The following NEK7 variants were observed in gnomAD, a reference collection of about 807,000 sequenced individuals.
NEK7 encodes NIMA related kinase 7.
In NEK7, 18 loss-of-function variants were observed where a neutral mutation model predicts 44.6. The ratio of observed to expected loss-of-function variants is 0.40; its 90% confidence interval spans 0.28 to 0.60. The LOEUF is 0.60. NEK7 is among the 20% of genes least tolerant of loss of function. The probability of loss-of-function intolerance (pLI) is 0.38; values close to 1 mark genes in which losing one functional copy is unlikely to be tolerated. For missense variants in NEK7, 256 were observed against 366.5 expected (o/e 0.70, Z 2.46); for synonymous variants, 130 against 121.1 (o/e 1.07, Z -0.48).
At chr1:198,234,190 CCTTTA>C (rs923887903) in intron 2 of NEK7, among the ~76,000 whole-genome samples, 3 of 151,944 alleles carry the variant, frequency 2.0e-5, no homozygotes, top group Non-Finnish European at 2.9e-5. Context: ...TGAAATGAGT[CCTTTA>C]CTTAATTGCA....
chr1:198,242,697 C>T (rs560786639), intron 2 of NEK7, among the ~76,000 whole-genome samples: 32 of 151,750 alleles, frequency 2.1e-4, no homozygotes, highest in African/African-American at 6.0e-4. Flanking sequence ...CTCCTGACCT[C>T]GTGATCCACC....
chr1:198,176,616 T>C (rs1324301579), intron 1 of NEK7, among the ~76,000 whole-genome samples: 1 of 152,014 alleles, frequency 6.6e-6, no homozygotes, highest in Non-Finnish European at 1.5e-5. Flanking sequence ...AATGGGTATG[T>C]AGAATAAGAA....
chr1:198,238,828 CT>C (rs1666608409), intron 2 of NEK7, among the ~76,000 whole-genome samples: 1 of 152,206 alleles, frequency 6.6e-6, no homozygotes, highest in Non-Finnish European at 1.5e-5. Context: ...TCCTCAATTA[CT>C]GACTCTTGAT....
intron 1 of NEK7, among the ~76,000 whole-genome samples, chr1:198,217,740 G>A (rs1665963359): frequency 6.6e-6 from 1 of 150,896 alleles, no homozygotes; most frequent in Admixed American, 6.6e-5. Flanking sequence ...TAAGTATCAG[G>A]TTACAAAATC....
intron 1 of NEK7, among the ~76,000 whole-genome samples, chr1:198,217,831 C>T (rs1021555105): frequency 8.8e-6 from 1 of 113,708 alleles, no homozygotes; most frequent in Admixed American, 9.8e-5. Flanking sequence ...TCCGTTTTTA[C>T]AATAGCTATA....
intron 5 of NEK7, among the ~76,000 whole-genome samples, chr1:198,270,345 T>G (rs1653796536): frequency 6.6e-6 from 1 of 152,000 alleles, no homozygotes; most frequent in Non-Finnish European, 1.5e-5. Context: ...TTTTAAAAAT[T>G]GTTTTGCTAG....
intron 1 of NEK7, chr1:198,198,182 C>T: frequency 1.3e-6 from 1 of 751,422 alleles, no homozygotes; most frequent in Admixed American, 1.9e-5. Context: ...ATTGGGATTC[C>T]ACATGTTGAG....
At chr1:198,260,329 A>C (rs1428823290) in intron 3 of NEK7, among the ~76,000 whole-genome samples, 3 of 152,128 alleles carry the variant, frequency 2.0e-5, no homozygotes, top group East Asian at 3.9e-4. Flanking sequence ...CTTAATGTAT[A>C]CAACAGCTTA....
At chr1:198,256,346 T>C in intron 3 of NEK7, 3 of 1,608,252 alleles carry the variant, frequency 1.9e-6, no homozygotes, top group Non-Finnish European at 2.5e-6. Flanking sequence ...GTTACCTGTA[T>C]GGGAAAGAAG....
intron 9 of NEK7, among the ~76,000 whole-genome samples, chr1:198,309,861 G>C (rs1290969990): frequency 6.6e-6 from 1 of 152,126 alleles, no homozygotes; most frequent in African/African-American, 2.4e-5. Flanking sequence ...CATTTGGGTT[G>C]GTTCCAAGTC....
At chr1:198,222,171 A>G (rs532941582) in intron 1 of NEK7, among the ~76,000 whole-genome samples, 34 of 152,202 alleles carry the variant, frequency 2.2e-4, no homozygotes, top group African/African-American at 7.9e-4. Context: ...ACCATATGCA[A>G]TAATAGGGTA....
chr1:198,241,086 T>A (rs12084953), intron 2 of NEK7, among the ~76,000 whole-genome samples: 4,347 of 152,338 alleles, frequency 0.029, 203 homozygotes, highest in African/African-American at 0.099. Flanking sequence ...GAAGCCTTCC[T>A]GGTGTAAAAC....
At chr1:198,236,326 G>C (rs1439255492) in intron 2 of NEK7, among the ~76,000 whole-genome samples, 1 of 152,138 alleles carries the variant, frequency 6.6e-6, no homozygotes, top group Non-Finnish European at 1.5e-5. Flanking sequence ...CAGAAATTTA[G>C]ATGTTTCATT....
At chr1:198,296,689 A>G (rs1457540541) in intron 8 of NEK7, among the ~76,000 whole-genome samples, 3 of 152,168 alleles carry the variant, frequency 2.0e-5, no homozygotes, top group African/African-American at 7.2e-5. Flanking sequence ...AATGCTCTGC[A>G]TTCTCTTCCC....
intron 2 of NEK7, among the ~76,000 whole-genome samples, chr1:198,233,092 G>GA (rs59719766): frequency 0.14 from 19,962 of 141,206 alleles, 1,976 homozygotes; most frequent in East Asian, 0.57. Flanking sequence ...GAAGGAAGAG[G>GA]AAAAAAAAAA....
chr1:198,290,506 T>A (rs963987757), intron 7 of NEK7, among the ~76,000 whole-genome samples: 3 of 152,154 alleles, frequency 2.0e-5, no homozygotes, highest in Non-Finnish European at 2.9e-5. Context: ...GTTTACGTGA[T>A]GGGGCTGAAC....
Position 198,299,072 on chromosome 1 carries a change from G to T in NEK7, c.798+1832G>T, listed in dbSNP as rs115952162. ...TTCACTCTATATAGTTACCAGTTTCGAAAAGAGCTGTAAAGCAAAACACAT... is the reference window on the plus strand; with the variant it reads ...TTCACTCTATATAGTTACCAGTTTCTAAAAGAGCTGTAAAGCAAAACACAT... On this transcript the variant is annotated intron_variant, in intron 9 of 9. Coordinates refer to ENST00000367385, the MANE Select transcript of NEK7 (RefSeq NM_133494.3). 5.0e-3 allele frequency among the ~76,000 whole-genome samples: 759 copies of T among 152,268 alleles called. 11 individuals carry two copies. Among genetic ancestry groups the T allele is most frequent in the African/African-American group, 0.017 (724 of 41,534 alleles).
intron 9 of NEK7, among the ~76,000 whole-genome samples, chr1:198,310,619 A>G (rs945812482): frequency 7.3e-5 from 11 of 151,702 alleles, no homozygotes; most frequent in Non-Finnish European, 1.2e-4. Context: ...TGATTTTTGT[A>G]TAAGGTGTAA....
At chr1:198,230,063 G>A (rs1666341580) in intron 1 of NEK7, among the ~76,000 whole-genome samples, 2 of 152,108 alleles carry the variant, frequency 1.3e-5, no homozygotes. Context: ...TTTACTAATT[G>A]CAGGCCTGCT....
Sources: allele counts gnomAD v4.1 joint callset (sites outside exome capture counted in the v4.1 genomes callset), GRCh38; gene constraint gnomAD v4.1.1; transcripts MANE v1.5; gene names NCBI Gene and HGNC (gene_info 2026-07-23, HGNC 2026-07-21).